The following SCART1 variants were observed in gnomAD, a reference collection of about 807,000 sequenced individuals.
The protein encoded by SCART1 is scavenger receptor cysteine-rich domain-containing protein SCART1.
A neutral mutation model predicts 36.2 loss-of-function variants in SCART1; 62 were observed. That is an observed-to-expected ratio of 1.71 (90% CI 1.40 to 2.12). SCART1 has a LOEUF of 2.12. Among genes scored for constraint, SCART1 ranks in the 30% most tolerant of loss-of-function variants. SCART1 has a pLI of 0.00. For synonymous variants in SCART1, 487 were observed against 238.7 expected, an observed-to-expected ratio of 2.04 and a Z score of -9.59; for missense variants, 1,041 against 540.5, an observed-to-expected ratio of 1.93 and a Z score of -9.18.
chr10:133,457,224 G>T, intron 2 of SCART1, 55 bp from the exon 3 acceptor site: 2 of 683,590 alleles, frequency 2.9e-6, no homozygotes, highest in South Asian at 3.1e-5. Flanking sequence ...GCTGCCGAGT[G>T]ACCATGCGGC....
chr10:133,457,686 C>G, intron 3 of SCART1, 111 bp downstream of exon 3: 1 of 583,178 alleles, frequency 1.7e-6, no homozygotes, highest in Non-Finnish European at 3.0e-6. Context: ...CCCCCCTGTC[C>G]TGCATGAGAC....
chr10:133,456,695 C>T, intron 2 of SCART1, 141 bp downstream of exon 2: 4 of 580,872 alleles, frequency 6.9e-6, no homozygotes, highest in South Asian at 4.5e-5. Context: ...GTCTGGAGCT[C>T]TCTCTGGGAG....
At position 133,457,878 on chromosome 10, in the gene SCART1, C is replaced by T. The variant is rs191243013; in HGVS notation, c.682+303C>T. The T allele has an allele frequency of 9.4e-6, 5 of 532,444 alleles. No homozygotes were observed. In the East Asian group the frequency reaches 1.0e-4, roughly 11 times the overall value. The allele number at this position is 532,444 out of a possible 1,614,324, so 33.0% of individuals were successfully genotyped here. ...TGATCTCTGCATGTCTAACATGGAT[C>T]GGGGTTGGGTAGAGGTCACTTCTTC... On this transcript the variant is annotated intron_variant, in intron 3 of 11. Transcript: ENST00000640237.
In SCART1 at chr10:133,457,556, C is replaced by T. The variant is rs902740797; in HGVS notation, c.663C>T (p.Asp221=). The change falls in exon 3 of 12, where the codon GAC becomes GAT. Residue 221 remains aspartate, a synonymous_variant. Coordinates refer to ENST00000640237, the Ensembl canonical transcript of SCART1. The stretch of plus-strand genomic sequence containing the variant: ...GCAGCGGCTGCGACCTGCGGCTGGA[C>T]GCAGAGGTGGTCTGCTCAGGTGAGG... 3.1e-5 allele frequency: 22 copies of T among 700,692 alleles called. 1 individual carries two copies. The highest frequency in any genetic ancestry group is 1.1e-4 in the East Asian group (4 of 37,260). 43.4% of individuals were successfully genotyped at this position (700,692 alleles called of 1,614,324 possible).
chr10:133,456,359 G>A (rs1850611040), exon 2 of SCART1: 2 of 702,952 alleles, frequency 2.8e-6, no homozygotes, highest in East Asian at 5.4e-5. Context: ...AGAGGCCTCT[G>A]TCGTGTGCAG....
intron 6 of SCART1, among the ~76,000 whole-genome samples, chr10:133,462,152 G>A (rs1412439462): frequency 2.6e-5 from 4 of 152,230 alleles, no homozygotes; most frequent in African/African-American, 7.2e-5. Flanking sequence ...GCTGTCCCAC[G>A]TGTGGGCAGG....
At chr10:133,457,623 G>T (rs1219155983) in intron 3 of SCART1, 48 bp downstream of exon 3, 5 of 627,100 alleles carry the variant, frequency 8.0e-6, no homozygotes, top group Non-Finnish European at 1.1e-5. Context: ...ATGATGCTGG[G>T]CCCGGACCTG....
exon 4 of SCART1, chr10:133,458,509 C>T: frequency 1.5e-6 from 1 of 676,302 alleles, no homozygotes; most frequent in South Asian, 1.6e-5. Context: ...CGTGTCCACG[C>T]CCGAGGGCGC....
rs12265182 is a variant in SCART1 at position 133,467,613 on chromosome 10, C to T, written c.2963-234C>T. Among the ~76,000 whole-genome samples, 407 of 152,216 alleles carry T rather than the reference C, an allele frequency of 2.7e-3. 2 individuals carry two copies. Among genetic ancestry groups the T allele is most frequent in the African/African-American group, 9.3e-3 (386 of 41,540 alleles). ...GGCTGGTCGGGTGTGCTGGGAGCCG[C>T]GGGTCTGGCAGGGGCATATGCTGCA... On this transcript the variant is annotated intron_variant, in intron 11 of 11. Coordinates refer to ENST00000640237, the Ensembl canonical transcript of SCART1.
chr10:133,464,821 C>A, exon 7 of SCART1: 1 of 702,836 alleles, frequency 1.4e-6, no homozygotes, highest in Non-Finnish European at 2.6e-6. Context: ...CCTGGGTGGA[C>A]AACATCGAGT....
At chr10:133,458,180 C>T (rs1850642982) in intron 3 of SCART1, 180 bp from the exon 4 acceptor site, 1 of 699,710 alleles carries the variant, frequency 1.4e-6, no homozygotes, top group East Asian at 2.7e-5. Context: ...AGGACGTCTG[C>T]TCTGCTCTGG....
At chr10:133,460,836 T>C (rs1321723001) in intron 6 of SCART1, among the ~76,000 whole-genome samples, 1 of 151,932 alleles carries the variant, frequency 6.6e-6, no homozygotes, top group African/African-American at 2.4e-5. Flanking sequence ...CTTCCTGGGC[T>C]CAAACCATCC....
chr10:133,460,679 A>C (rs1420341257), intron 6 of SCART1, among the ~76,000 whole-genome samples: 1 of 150,656 alleles, frequency 6.6e-6, no homozygotes, highest in Non-Finnish European at 1.5e-5. Flanking sequence ...GGGACTACAG[A>C]AGTGAGGCAC....
intron 1 of SCART1, among the ~76,000 whole-genome samples, chr10:133,455,153 G>A (rs542821895): frequency 2.2e-4 from 34 of 152,216 alleles, no homozygotes; most frequent in African/African-American, 7.5e-4. Context: ...TATAATTCCC[G>A]CTACATGGGA....
rs1850615042 is a variant in SCART1, at chr10:133,456,531, G to A, written c.362G>A (p.Trp121Ter). The change falls in exon 2 of 12, where the codon TGG (tryptophan) becomes TAG (stop). Residue 121 changes from tryptophan (W) to a stop codon, truncating the protein, a stop_gained. Transcript: ENST00000640237. LOFTEE classifies it high-confidence loss of function. ...TGCCAGAGCCCGTGCCCCCACGCAT[G>A]GGTGGTGGTCGCGCTGTGCTCCAGT... is the stretch of plus-strand genomic sequence containing the variant. The A allele has an allele frequency of 5.9e-6, 4 of 676,658 alleles. No individual in the cohort carries two copies. In the South Asian group the frequency reaches 6.3e-5, roughly 11 times the overall value. The allele number at this position is 676,658 out of a possible 1,614,324, so 41.9% of individuals were successfully genotyped here.
exon 4 of SCART1, chr10:133,458,639 C>T (rs906476958): frequency 6.4e-5 from 45 of 699,942 alleles, no homozygotes; most frequent in Non-Finnish European, 9.9e-5. Flanking sequence ...GGTCACGACG[C>T]GGGGCTCAGG....
intron 6 of SCART1, among the ~76,000 whole-genome samples, chr10:133,461,596 G>A (rs1254549693): frequency 2.0e-5 from 3 of 152,258 alleles, no homozygotes; most frequent in Middle Eastern, 3.4e-3. Flanking sequence ...TGGCACCCAC[G>A]TCACAATCTG....
intron 11 of SCART1, among the ~76,000 whole-genome samples, chr10:133,467,625 G>A (rs551066645): frequency 2.0e-5 from 3 of 152,262 alleles, no homozygotes; most frequent in African/African-American, 7.2e-5. Flanking sequence ...GGTCTGGCAG[G>A]GGCATATGCT....
chr10:133,456,667 C>G, intron 2 of SCART1, 113 bp downstream of exon 2: 1 of 587,360 alleles, frequency 1.7e-6, no homozygotes, highest in East Asian at 2.8e-5. Context: ...GTCTCGGAGA[C>G]GGGCGGGGAG....
Sources: allele counts gnomAD v4.1 joint callset (sites outside exome capture counted in the v4.1 genomes callset), GRCh38; gene constraint gnomAD v4.1.1; transcripts MANE v1.5; gene names NCBI Gene and HGNC (gene_info 2026-07-23, HGNC 2026-07-21).